The following RASSF3 variants were observed in gnomAD, a reference collection of about 807,000 sequenced individuals.
The protein encoded by RASSF3 is ras association domain-containing protein 3.
RASSF3 carries 19 observed loss-of-function variants against 19.9 expected under a neutral mutation model. The ratio of observed to expected loss-of-function variants is 0.96; its 90% CI spans 0.67 to 1.40. The LOEUF is 1.40. RASSF3 is among the 40% of genes most tolerant of loss of function. RASSF3 has a pLI of 0.00. For synonymous variants in RASSF3, 110 were observed against 104.2 expected, an observed-to-expected ratio of 1.06 and a Z score of -0.34; for missense variants, 306 against 289.8, an observed-to-expected ratio of 1.06 and a Z score of -0.41.
At chr12:64,573,516 T>C (rs1394283372) in intron 2 of RASSF3, among the ~76,000 whole-genome samples, 1 of 152,224 alleles carries the variant, frequency 6.6e-6, no homozygotes, top group East Asian at 1.9e-4. Context: ...ATTAAGCTTT[T>C]ACTAGGTGCC....
intron 2 of RASSF3, among the ~76,000 whole-genome samples, chr12:64,551,035 T>C (rs1210776657): frequency 1.3e-5 from 2 of 152,194 alleles, no homozygotes; most frequent in East Asian, 3.9e-4. Context: ...TGTTTGATCT[T>C]GGTTTCACCC....
intron 1 of RASSF3, among the ~76,000 whole-genome samples, chr12:64,613,204 T>G (rs879615550): frequency 7.1e-6 from 1 of 140,688 alleles, no homozygotes; most frequent in African/African-American, 2.6e-5. Context: ...TAACGTTAGA[T>G]AAGCCTTTTT....
intron 1 of RASSF3, among the ~76,000 whole-genome samples, chr12:64,627,495 G>A (rs1352693372): frequency 2.0e-5 from 3 of 152,096 alleles, no homozygotes; most frequent in African/African-American, 7.2e-5. Flanking sequence ...GCTTCACAAG[G>A]GCAGACCACA....
chr12:64,664,540 T>G (rs934924930), intron 1 of RASSF3, among the ~76,000 whole-genome samples: 4 of 152,220 alleles, frequency 2.6e-5, no homozygotes, highest in African/African-American at 9.6e-5. Flanking sequence ...CAGTTCTCCT[T>G]AAGTACTTGT....
At chr12:64,678,477 A>G (rs149930764) in intron 1 of RASSF3, among the ~76,000 whole-genome samples, 1 of 152,264 alleles carries the variant, frequency 6.6e-6, no homozygotes, top group East Asian at 1.9e-4. Context: ...GGGACCTCCT[A>G]GTGGCAGTGT....
chr12:64,647,464 G>A (rs1000555974), intron 1 of RASSF3, among the ~76,000 whole-genome samples: 3 of 149,700 alleles, frequency 2.0e-5, no homozygotes, highest in African/African-American at 7.4e-5. Context: ...AGGCTGGAGT[G>A]CAATGGCATG....
rs367792797 is a variant in RASSF3, at chr12:64,694,943, C to T, written c.*31C>T. ...GGCTCCCTGCCCGTGAGGCCCGGTGCAGGACCGATGTACAAAACAGCAGCA... is the reference window on the plus strand; with the variant it reads ...GGCTCCCTGCCCGTGAGGCCCGGTGTAGGACCGATGTACAAAACAGCAGCA... On this transcript the variant is annotated 3_prime_UTR_variant, in exon 5 of 5. Coordinates refer to ENST00000542104, the MANE Select transcript of RASSF3 (RefSeq NM_178169.4). The T allele has an allele frequency of 4.5e-5, 72 of 1,608,594 alleles. No individual in the cohort carries two copies. Among genetic ancestry groups the T allele is most frequent in the Non-Finnish European group, 5.5e-5 (65 of 1,177,502 alleles).
chr12:64,649,774 G>T (rs950815241), intron 1 of RASSF3, among the ~76,000 whole-genome samples: 9 of 152,040 alleles, frequency 5.9e-5, no homozygotes, highest in African/African-American at 2.2e-4. Flanking sequence ...CAATTTTGAG[G>T]ATCAGAAAAG....
At chr12:64,601,509 A>G (rs1433842671) in intron 2 of RASSF3, among the ~76,000 whole-genome samples, 2 of 152,166 alleles carry the variant, frequency 1.3e-5, no homozygotes, top group Non-Finnish European at 1.5e-5. Flanking sequence ...TTCAATTACC[A>G]TCTGCCTTTC....
chr12:64,549,039 C>T (rs1341694492), intron 2 of RASSF3, among the ~76,000 whole-genome samples: 1 of 152,068 alleles, frequency 6.6e-6, no homozygotes, highest in Non-Finnish European at 1.5e-5. Flanking sequence ...GAGTGAACTC[C>T]CAGAAAAGTG....
chr12:64,684,962 A>C, intron 2 of RASSF3, 68 bp downstream of exon 2: 3 of 909,378 alleles, frequency 3.3e-6, no homozygotes, highest in African/African-American at 1.6e-5. Context: ...TGGTACTACA[A>C]TCTATAGTTC....
At chr12:64,630,471 A>G (rs1372864056) in intron 1 of RASSF3, among the ~76,000 whole-genome samples, 1 of 152,176 alleles carries the variant, frequency 6.6e-6, no homozygotes, top group Non-Finnish European at 1.5e-5. Context: ...GGCTGCAGTG[A>G]GCTATGGTCA....
At chr12:64,648,926 C>A (rs1054528333) in intron 1 of RASSF3, among the ~76,000 whole-genome samples, 1 of 150,738 alleles carries the variant, frequency 6.6e-6, no homozygotes, top group Non-Finnish European at 1.5e-5. Context: ...ACCCCTCAGC[C>A]TACCGAGTAG....
At chr12:64,588,410 C>T (rs530682543) in intron 2 of RASSF3, among the ~76,000 whole-genome samples, 51 of 151,822 alleles carry the variant, frequency 3.4e-4, no homozygotes, top group African/African-American at 1.2e-3. Flanking sequence ...TTCTGCTGGG[C>T]GTGGTGGCTC....
At chr12:64,567,535 A>C (rs988176530) in intron 2 of RASSF3, among the ~76,000 whole-genome samples, 1 of 152,108 alleles carries the variant, frequency 6.6e-6, no homozygotes, top group Non-Finnish European at 1.5e-5. Flanking sequence ...CTCTCCACTG[A>C]CCGAACAGAG....
intron 2 of RASSF3, among the ~76,000 whole-genome samples, chr12:64,590,753 C>T (rs1869907533): frequency 6.6e-6 from 1 of 152,048 alleles, no homozygotes. Context: ...GATAGGAAAC[C>T]CTGGTCTCAG....
intron 1 of RASSF3, among the ~76,000 whole-genome samples, chr12:64,625,014 C>G (rs184108244): frequency 6.6e-5 from 10 of 152,120 alleles, no homozygotes; most frequent in South Asian, 2.1e-4. Context: ...TTATATGCCC[C>G]TTTTCATTTG....
chr12:64,566,609 G>A (rs1052632492), intron 2 of RASSF3, among the ~76,000 whole-genome samples: 2 of 152,116 alleles, frequency 1.3e-5, no homozygotes, highest in African/African-American at 4.8e-5. Flanking sequence ...AGACGGTAAT[G>A]AATAAATCCT....
intron 2 of RASSF3, among the ~76,000 whole-genome samples, chr12:64,550,581 G>A (rs1005301663): frequency 4.0e-5 from 6 of 151,876 alleles, no homozygotes; most frequent in Non-Finnish European, 7.4e-5. Flanking sequence ...GCTTGAACCC[G>A]GGAGGCAAGG....
Sources: allele counts gnomAD v4.1 joint callset (sites outside exome capture counted in the v4.1 genomes callset), GRCh38; gene constraint gnomAD v4.1.1; transcripts MANE v1.5; gene names NCBI Gene and HGNC (gene_info 2026-07-23, HGNC 2026-07-21).